The following ATP2B4 variants were observed in gnomAD, a reference collection of about 807,000 sequenced individuals.
ATP2B4 encodes the protein ATPase plasma membrane Ca2+ transporting 4.
ATP2B4 carries 39 observed loss-of-function variants against 110.3 expected under a neutral mutation model. The observed-to-expected ratio is 0.35, with a 90% CI of 0.27 to 0.46. The LOEUF (loss-of-function observed/expected upper bound fraction) is 0.46, where lower values mean the gene tolerates loss of function less well. Ranked by LOEUF, ATP2B4 falls within the 20% of genes least tolerant of loss-of-function variation. The pLI is 1.00. For missense variants in ATP2B4, 1,135 were observed against 1,530.9 expected, an observed-to-expected ratio of 0.74 and a Z score of 4.32; for synonymous variants, 538 against 571.7, an observed-to-expected ratio of 0.94 and a Z score of 0.84.
chr1:203,683,126 C>T lies in ATP2B4; in HGVS notation c.-80C>T, dbSNP rs1318256330. On this transcript the variant is annotated 5_prime_UTR_variant, in exon 2 of 21. Coordinates refer to ENST00000357681, the MANE Select transcript of ATP2B4 (RefSeq NM_001684.5). ...AGCAAGAAGTAGGAAGAAGTTGAGA[C>T]AGGGAGGCAGGAGACACTGGTCAGT... 2.0e-6 allele frequency: 3 copies of T among 1,485,600 alleles called. No individual in the cohort carries two copies. In the African/African-American group the frequency reaches 4.2e-5, roughly 21 times the overall value. 92.0% of individuals were successfully genotyped at this position (1,485,600 alleles called of 1,614,324 possible).
intron 2 of ATP2B4, among the ~76,000 whole-genome samples, chr1:203,688,829 A>G (rs1181331278): frequency 6.6e-6 from 1 of 152,142 alleles, no homozygotes; most frequent in Non-Finnish European, 1.5e-5. Context: ...AAGAGAATAC[A>G]TGTTTACATC....
Position 203,700,647 on chromosome 1 carries a change from G to T in ATP2B4, c.776-151G>T, listed in dbSNP as rs998942363. On this transcript the variant is annotated intron_variant, in intron 5 of 20. Transcript: ENST00000357681. ...AATTTGTCTGGTCTGTTTTAAATGC[G>T]CCCAGCTCTTGACCTTTTCCTACTG... 8 of 1,145,398 alleles carry T rather than the reference G, an allele frequency of 7.0e-6. No homozygotes were observed. The African/African-American group carries it at 1.1e-4, about 16-fold the overall frequency. The allele number at this position is 1,145,398 out of a possible 1,614,324, so 71.0% of individuals were successfully genotyped here.
At chr1:203,649,128 C>A (rs1436151364) in intron 1 of ATP2B4, among the ~76,000 whole-genome samples, 1 of 152,116 alleles carries the variant, frequency 6.6e-6, no homozygotes, top group Non-Finnish European at 1.5e-5. Flanking sequence ...CCTCCTTACT[C>A]CCCTGAGGTT....
At chr1:203,651,320 C>T (rs998863908) in intron 1 of ATP2B4, among the ~76,000 whole-genome samples, 3 of 152,050 alleles carry the variant, frequency 2.0e-5, no homozygotes, top group Non-Finnish European at 2.9e-5. Flanking sequence ...ATCTACAGTT[C>T]ATTTTCTTGA....
In ATP2B4 at chr1:203,629,476, G is replaced by A. The variant is rs146697869; in HGVS notation, c.-465+2257G>A. On this transcript the variant is annotated intron_variant, in intron 1 of 20. Coordinates refer to ENST00000357681, the MANE Select transcript of ATP2B4 (RefSeq NM_001684.5). This position sits in a 1 kb window ranked among gnomAD's most constrained non-coding sequence, Gnocchi z 4.6. ...TGGTGGGCTCGGGGACGGCTTCTCC[G>A]TGAGGTCGTTATTTAGCGCGCACCG... is the stretch of plus-strand genomic sequence containing the variant. 9.1e-3 allele frequency among the ~76,000 whole-genome samples: 1,388 copies of A among 152,266 alleles called. 21 individuals are homozygous for A. The highest frequency in any genetic ancestry group is 0.031 in the African/African-American group (1,298 of 41,556).
At chr1:203,658,656 A>G (rs1393095219) in intron 1 of ATP2B4, among the ~76,000 whole-genome samples, 1 of 152,270 alleles carries the variant, frequency 6.6e-6, no homozygotes, top group Non-Finnish European at 1.5e-5. Context: ...ACAATGTCTA[A>G]TTGATAGGAA....
At chr1:203,713,030 A>G in intron 13 of ATP2B4, 135 bp from the exon 14 acceptor site, 1 of 912,508 alleles carries the variant, frequency 1.1e-6, no homozygotes. Flanking sequence ...ATCTCTGCTT[A>G]ATCCAGAATA....
chr1:203,671,260 G>A (rs1664653158), intron 1 of ATP2B4, among the ~76,000 whole-genome samples: 2 of 152,178 alleles, frequency 1.3e-5, no homozygotes, highest in Non-Finnish European at 2.9e-5. Context: ...ATGTGAGTGT[G>A]TGCATGCCTG....
At chr1:203,719,325 A>G (rs1285614358) in intron 15 of ATP2B4, among the ~76,000 whole-genome samples, 10 of 151,276 alleles carry the variant, frequency 6.6e-5, no homozygotes, top group African/African-American at 2.4e-4. Context: ...TTCCACCCTC[A>G]TTGCCTTTGC....
chr1:203,652,378 T>C (rs925855693), intron 1 of ATP2B4, among the ~76,000 whole-genome samples: 2 of 152,050 alleles, frequency 1.3e-5, no homozygotes, highest in African/African-American at 4.8e-5. Flanking sequence ...ACTCCTGACC[T>C]CAAATGATCC....
Position 203,720,675 on chromosome 1 carries a change from C to A in ATP2B4, c.2533C>A (p.Gln845Lys), listed in dbSNP as rs1666293341. Residue 845 changes from glutamine (Q) to lysine (K), a missense_variant, in exon 16 of 21, where the codon CAG becomes AAG. Physicochemically the swap from Gln to Lys is moderately conservative, Grantham distance 53. Transcript: ENST00000357681. ...CTATGACAGCATCTCCAAGTTCCTGCAGTTCCAGCTCACTGTCAATGTGGT... is the reference window on the plus strand; with the variant it reads ...CTATGACAGCATCTCCAAGTTCCTGAAGTTCCAGCTCACTGTCAATGTGGT... ...NVYDSISKFL[Q>K]FQLTVNVVAV... 1 of 1,614,026 alleles carries A rather than the reference C, an allele frequency of 6.2e-7. No individual in the cohort carries two copies. The highest frequency in any genetic ancestry group is 1.1e-5 in the South Asian group (1 of 91,082).
chr1:203,700,978 G>T, intron 6 of ATP2B4, 55 bp downstream of exon 6: 1 of 1,570,896 alleles, frequency 6.4e-7, no homozygotes. Context: ...GGACAAACAA[G>T]GAAGCGAGGG....
chr1:203,633,016 G>A (rs150693863), intron 1 of ATP2B4, among the ~76,000 whole-genome samples: 32 of 152,272 alleles, frequency 2.1e-4, no homozygotes, highest in African/African-American at 7.5e-4. Context: ...TCCCACGGGG[G>A]AGGTTGTAAG....
chr1:203,700,077 C>T (rs1416475862), intron 4 of ATP2B4, 129 bp from the exon 5 acceptor site: 48 of 1,119,928 alleles, frequency 4.3e-5, no homozygotes, highest in Non-Finnish European at 5.5e-5. Flanking sequence ...CATGTACTCT[C>T]GGCCATTGCT....
intron 20 of ATP2B4, among the ~76,000 whole-genome samples, chr1:203,737,817 G>T (rs1666910153): frequency 6.6e-6 from 1 of 152,110 alleles, no homozygotes; most frequent in Admixed American, 6.5e-5. Context: ...CCTCAGTCTT[G>T]GGTGGGTCTG....
At position 203,730,230 on chromosome 1, in the gene ATP2B4, TAAAAAA is replaced by T. The variant is rs111392425; in HGVS notation, c.3309+2668_3309+2673del. On this transcript the variant is annotated intron_variant, in intron 20 of 20. Transcript: ENST00000357681. ...AGGGATGTTATATGAAGAGCTGAATTAAAAAAAAAAAAAAGAAGAAAAAGAAAAGTG... is the reference window on the plus strand; with the variant it reads ...AGGGATGTTATATGAAGAGCTGAATTAAAAAAAAGAAGAAAAAGAAAAGTG... 8.0e-5 allele frequency among the ~76,000 whole-genome samples: 11 copies of T among 137,314 alleles called. 1 individual carries two copies. Among genetic ancestry groups the T allele is most frequent in the South Asian group, 2.4e-4 (1 of 4,248 alleles). 90.1% of individuals were successfully genotyped at this position (137,314 alleles called of 152,430 possible). A position where few individuals can be genotyped will look rare whatever the true frequency, so the allele number is the denominator to read the frequency against.
At chr1:203,721,488 A>G in intron 17 of ATP2B4, 78 bp downstream of exon 17, 2 of 1,435,152 alleles carry the variant, frequency 1.4e-6, no homozygotes, top group South Asian at 2.4e-5. Flanking sequence ...GCGTGAGAGC[A>G]AGTGCACAGG....
intron 19 of ATP2B4, among the ~76,000 whole-genome samples, chr1:203,726,413 T>C (rs1666518558): frequency 7.2e-6 from 1 of 139,318 alleles, no homozygotes; most frequent in Non-Finnish European, 1.5e-5. Context: ...CTGTTCTGTT[T>C]GGTGAAGATT....
At chr1:203,704,214 AG>A (rs1665779772) in intron 8 of ATP2B4, among the ~76,000 whole-genome samples, 1 of 152,206 alleles carries the variant, frequency 6.6e-6, no homozygotes, top group Non-Finnish European at 1.5e-5. Context: ...GCATAGGAGT[AG>A]GATCTGGCTA....
Sources: gnomAD v4.1 joint callset for allele counts (sites outside exome capture counted in the v4.1 genomes callset) on GRCh38, gnomAD v4.1.1 for gene constraint, Gnocchi (gnomAD v3.1) non-coding constraint, MANE v1.5 for transcripts, NCBI Gene and HGNC (gene_info 2026-07-23, HGNC 2026-07-21) for gene names.